PDZD2: variants seen among roughly 807,000 people sequenced by gnomAD.
PDZD2 encodes PDZ domain-containing protein 2.
PDZD2 carries 90 observed loss-of-function variants against 220.7 expected under a neutral mutation model. The ratio of observed to expected loss-of-function variants is 0.41; its 90% confidence interval spans 0.34 to 0.49. PDZD2 has a LOEUF of 0.49. Among genes scored for constraint, PDZD2 ranks in the 20% least tolerant of loss-of-function variants. The probability of loss-of-function intolerance (pLI) is 0.28; values close to 1 mark genes in which losing one functional copy is unlikely to be tolerated. For missense variants in PDZD2, 3,174 were observed against 3,608.5 expected (o/e 0.88, Z 3.08); for synonymous variants, 1,375 against 1,450.5 (o/e 0.95, Z 1.18).
intron 5 of PDZD2, among the ~76,000 whole-genome samples, chr5:32,005,768 T>C (rs889603412): frequency 3.3e-5 from 5 of 151,852 alleles, no homozygotes; most frequent in Non-Finnish European, 7.3e-5. Flanking sequence ...CTGGCCAAGT[T>C]GTTACCTCTC....
chr5:31,737,900 A>G (rs1171025286), intron 1 of PDZD2, among the ~76,000 whole-genome samples: 1 of 152,238 alleles, frequency 6.6e-6, no homozygotes, highest in Admixed American at 6.5e-5. Context: ...TAAGAACCGT[A>G]TGAAACAGAC....
chr5:31,899,365 G>A (rs138024779), intron 2 of PDZD2, among the ~76,000 whole-genome samples: 2,831 of 152,004 alleles, frequency 0.019, 80 homozygotes, highest in African/African-American at 0.066. Flanking sequence ...ACGCCTGACC[G>A]CAAGTGATCC....
chr5:31,813,314 G>T (rs1755234843), intron 2 of PDZD2, among the ~76,000 whole-genome samples: 1 of 152,068 alleles, frequency 6.6e-6, no homozygotes. Flanking sequence ...GCCGGGCATG[G>T]TGGCAGGCGT....
At chr5:31,775,285 G>T (rs1430036263) in intron 1 of PDZD2, among the ~76,000 whole-genome samples, 2 of 151,764 alleles carry the variant, frequency 1.3e-5, no homozygotes, top group Non-Finnish European at 2.9e-5. Flanking sequence ...TTGTCTGAGT[G>T]GGGAGTGGAT....
intron 2 of PDZD2, among the ~76,000 whole-genome samples, chr5:31,834,494 A>G (rs190994081): frequency 6.6e-6 from 1 of 152,344 alleles, no homozygotes; most frequent in East Asian, 1.9e-4. Flanking sequence ...CAACAGAAAT[A>G]GAAGATAGAG....
intron 2 of PDZD2, among the ~76,000 whole-genome samples, chr5:31,910,217 A>AT (rs70957978): frequency 0.031 from 3,265 of 106,774 alleles, 286 homozygotes; most frequent in African/African-American, 0.11. Flanking sequence ...GAGTTCCTGC[A>AT]TTTTTTTTTT....
At chr5:31,740,420 G>A (rs1406595904) in intron 1 of PDZD2, among the ~76,000 whole-genome samples, 1 of 149,996 alleles carries the variant, frequency 6.7e-6, no homozygotes, top group Non-Finnish European at 1.5e-5. Flanking sequence ...AGCTACTCAG[G>A]AGGCTGAGGC....
At chr5:31,680,668 G>C (rs1015008753) in intron 1 of PDZD2, among the ~76,000 whole-genome samples, 3 of 152,168 alleles carry the variant, frequency 2.0e-5, no homozygotes, top group Non-Finnish European at 2.9e-5. Context: ...AAACAGGCTT[G>C]TTGTGGCTCT....
At chr5:32,086,357 C>T (rs75444534) in intron 19 of PDZD2, among the ~76,000 whole-genome samples, 3,869 of 152,292 alleles carry the variant, frequency 0.025, 70 homozygotes, top group Non-Finnish European at 0.042. Context: ...AAGAGCCTGA[C>T]GCTTGCGGCT....
chr5:31,922,540 G>A (rs760172752), intron 2 of PDZD2, among the ~76,000 whole-genome samples: 9 of 152,132 alleles, frequency 5.9e-5, no homozygotes, highest in Non-Finnish European at 1.2e-4. Context: ...AGCATCACTG[G>A]GAACTGAACG....
Position 32,088,543 on chromosome 5 carries a change from G to A in PDZD2, c.5095G>A (p.Val1699Ile). 6.2e-7 allele frequency: 1 copy of A among 1,614,070 alleles called. No homozygotes were observed. Among genetic ancestry groups the A allele is most frequent in the Non-Finnish European group, 8.5e-7 (1 of 1,179,946 alleles). Reference protein sequence around the residue: ...RPSCAEETTEVTSASSAMENS... With the variant: ...RPSCAEETTEITSASSAMENS... ...CTCGTGTGCAGAAGAAACCACAGAAGTCACCAGCGCTAGCTCAGCCATGGA... is the reference window on the plus strand; with the variant it reads ...CTCGTGTGCAGAAGAAACCACAGAAATCACCAGCGCTAGCTCAGCCATGGA... Residue 1699 changes from valine to isoleucine, a missense_variant, in exon 20 of 25, where the codon GTC becomes ATC. Transcript: ENST00000438447. The surrounding 1 kb of genome is among the most constrained non-coding windows in gnomAD (Gnocchi z 4.6).
rs149448549 is a variant in PDZD2 at position 31,998,860 on chromosome 5, C to T, written c.1122-1279C>T. ...TTGGCCAAGCTTGGTCTAGAGGATG[C>T]GGTGGGATCCGAGGCTCGAGGTCCC... On this transcript the variant is annotated intron_variant, in intron 4 of 24. Coordinates refer to ENST00000438447, the MANE Select transcript of PDZD2 (RefSeq NM_178140.4). Among the ~76,000 whole-genome samples the T allele has an allele frequency of 4.5e-4, 68 of 152,368 alleles. No homozygotes were observed. In the East Asian group the frequency reaches 0.01, roughly 22 times the overall value.
chr5:32,061,386 C>G (rs16889386), intron 14 of PDZD2, among the ~76,000 whole-genome samples: 3,465 of 152,288 alleles, frequency 0.023, 126 homozygotes, highest in African/African-American at 0.079. Flanking sequence ...GTTCTGAGTA[C>G]TGGCTTTTTG....
chr5:31,780,269 G>A (rs1463129003), intron 1 of PDZD2, among the ~76,000 whole-genome samples: 4 of 151,634 alleles, frequency 2.6e-5, no homozygotes, highest in Admixed American at 1.3e-4. Context: ...GTCGGCACAG[G>A]AATCTATCCA....
intron 1 of PDZD2, among the ~76,000 whole-genome samples, chr5:31,653,242 T>A (rs1242165162): frequency 6.6e-6 from 1 of 152,158 alleles, no homozygotes; most frequent in East Asian, 1.9e-4. Flanking sequence ...TCAGTTGATA[T>A]CAGCTGTGGG....
At chr5:32,081,556 T>C (rs1304243227) in intron 19 of PDZD2, among the ~76,000 whole-genome samples, 2 of 152,166 alleles carry the variant, frequency 1.3e-5, no homozygotes, top group Admixed American at 6.6e-5. Context: ...AGAGCTTCTG[T>C]CTCCTTTTGT....
chr5:31,953,299 A>G (rs1308501545), intron 2 of PDZD2, among the ~76,000 whole-genome samples: 2 of 152,176 alleles, frequency 1.3e-5, no homozygotes, highest in Non-Finnish European at 2.9e-5. Flanking sequence ...TTGTATTGAA[A>G]TAATTGCCTA....
At chr5:31,826,448 G>A (rs981663770) in intron 2 of PDZD2, among the ~76,000 whole-genome samples, 1 of 151,990 alleles carries the variant, frequency 6.6e-6, no homozygotes, top group South Asian at 2.1e-4. Flanking sequence ...CGAGGCGGGT[G>A]GATCATTTGA....
chr5:31,916,243 T>C (rs1743665679), intron 2 of PDZD2, among the ~76,000 whole-genome samples: 2 of 152,250 alleles, frequency 1.3e-5, no homozygotes, highest in Non-Finnish European at 2.9e-5. Flanking sequence ...TGGCTTTGGT[T>C]GCCCTGCCCG....
Sources: gnomAD v4.1 joint callset for allele counts (sites outside exome capture counted in the v4.1 genomes callset) on GRCh38, gnomAD v4.1.1 for gene constraint, Gnocchi (gnomAD v3.1) non-coding constraint, MANE v1.5 for transcripts, NCBI Gene and HGNC (gene_info 2026-07-23, HGNC 2026-07-21) for gene names.